TSPAN5: variants seen among roughly 807,000 people sequenced by gnomAD.
TSPAN5 encodes the protein tetraspanin-5.
A neutral mutation model predicts 37.1 loss-of-function variants in TSPAN5; 10 were observed. The observed-to-expected ratio is 0.27, with a 90% CI of 0.17 to 0.46. The LOEUF (loss-of-function observed/expected upper bound fraction) is 0.46. Among genes scored for constraint, TSPAN5 ranks in the 20% least tolerant of loss-of-function variants. TSPAN5 has a pLI of 1.00. For missense variants in TSPAN5, 195 were observed against 326.6 expected, an observed-to-expected ratio of 0.60 and a Z score of 3.11; for synonymous variants, 110 against 118.9, an observed-to-expected ratio of 0.93 and a Z score of 0.48.
intron 1 of TSPAN5, among the ~76,000 whole-genome samples, chr4:98,580,210 C>T (rs1001439708): frequency 3.5e-4 from 53 of 152,296 alleles, no homozygotes; most frequent in African/African-American, 1.3e-3. Flanking sequence ...ATGTTTCACA[C>T]ACAAAGTCTC....
At chr4:98,543,541 A>C (rs1754407219) in intron 1 of TSPAN5, among the ~76,000 whole-genome samples, 1 of 150,956 alleles carries the variant, frequency 6.6e-6, no homozygotes, top group Admixed American at 6.6e-5. Flanking sequence ...TCAGCCTCCC[A>C]AGTAGCTGGG....
chr4:98,550,517 G>A (rs1162006919), intron 1 of TSPAN5, among the ~76,000 whole-genome samples: 4 of 151,736 alleles, frequency 2.6e-5, no homozygotes, highest in Non-Finnish European at 5.9e-5. Flanking sequence ...CCATGAGCAT[G>A]GGATATTTTT....
chr4:98,549,292 G>GGTTTTTTTT (rs1560532920), intron 1 of TSPAN5, among the ~76,000 whole-genome samples: 2 of 147,166 alleles, frequency 1.4e-5, no homozygotes, highest in African/African-American at 5.2e-5. Context: ...TTGTTTGTTT[G>GGTTTTTTTT]TTTGTTTTTG....
At chr4:98,528,956 C>A (rs899169077) in intron 1 of TSPAN5, among the ~76,000 whole-genome samples, 1 of 152,106 alleles carries the variant, frequency 6.6e-6, no homozygotes, top group African/African-American at 2.4e-5. Flanking sequence ...TGTTATTATT[C>A]ACATTTAACA....
At chr4:98,547,160 G>A (rs1166610653) in intron 1 of TSPAN5, among the ~76,000 whole-genome samples, 1 of 152,228 alleles carries the variant, frequency 6.6e-6, no homozygotes, top group Admixed American at 6.5e-5. Flanking sequence ...GGCGGCCCCA[G>A]GAGATGCTGA....
intron 1 of TSPAN5, among the ~76,000 whole-genome samples, chr4:98,587,942 C>T (rs1264539223): frequency 6.6e-6 from 1 of 152,112 alleles, no homozygotes; most frequent in Non-Finnish European, 1.5e-5. Flanking sequence ...TCTGGGGCCC[C>T]AAAACCTATC....
intron 1 of TSPAN5, among the ~76,000 whole-genome samples, chr4:98,541,448 G>A (rs1319360605): frequency 8.5e-5 from 13 of 152,196 alleles, no homozygotes; most frequent in African/African-American, 2.4e-4. Context: ...GCTGAGGCAG[G>A]CAGATCACTT....
intron 1 of TSPAN5, among the ~76,000 whole-genome samples, chr4:98,559,481 AGGGTT>A (rs1560537314): frequency 6.6e-6 from 1 of 152,248 alleles, no homozygotes; most frequent in Admixed American, 6.5e-5. Flanking sequence ...AGTTCACAAG[AGGGTT>A]TAAGCCTTTC....
intron 1 of TSPAN5, among the ~76,000 whole-genome samples, chr4:98,616,372 A>G (rs1756337631): frequency 6.6e-6 from 1 of 152,152 alleles, no homozygotes; most frequent in Non-Finnish European, 1.5e-5. Context: ...CGGCTCCTGG[A>G]GTTTGTGCTA....
chr4:98,476,188 C>T lies in TSPAN5; in HGVS notation c.741+1G>A. 1 of 1,611,590 alleles carries T rather than the reference C, an allele frequency of 6.2e-7. No individual in the cohort carries two copies. The highest frequency in any genetic ancestry group is 8.5e-7 in the Non-Finnish European group (1 of 1,177,728). On this transcript the variant is annotated splice_donor_variant, in intron 7 of 7. Coordinates refer to ENST00000305798, the MANE Select transcript of TSPAN5 (RefSeq NM_005723.4). LOFTEE classifies it high-confidence loss of function. ...ATATCCATAAAGGACCCTTATCTTA[C>T]CTGCAGCAATGCAATGCCTATGAAA...
intron 2 of TSPAN5, 129 bp from the exon 3 acceptor site, chr4:98,487,013 T>C (rs1357702730): frequency 8.7e-6 from 7 of 801,200 alleles, no homozygotes; most frequent in Non-Finnish European, 1.4e-5. Context: ...TTATCAGGTA[T>C]GTGATTAATA....
intron 1 of TSPAN5, among the ~76,000 whole-genome samples, chr4:98,578,954 C>T (rs1420249778): frequency 6.6e-6 from 1 of 152,124 alleles, no homozygotes; most frequent in Non-Finnish European, 1.5e-5. Flanking sequence ...CTATTTTTTA[C>T]CTTTGTATGC....
intron 1 of TSPAN5, among the ~76,000 whole-genome samples, chr4:98,612,983 T>C (rs988552767): frequency 6.6e-6 from 1 of 152,170 alleles, no homozygotes; most frequent in African/African-American, 2.4e-5. Context: ...ACAATTATGG[T>C]TTTTTCCCCC....
intron 1 of TSPAN5, among the ~76,000 whole-genome samples, chr4:98,621,276 C>A (rs1038210159): frequency 6.6e-6 from 1 of 152,042 alleles, no homozygotes; most frequent in Admixed American, 6.5e-5. Flanking sequence ...GCTGCAGCCT[C>A]CAGAGTTGTG....
chr4:98,540,402 A>G (rs772511342), intron 1 of TSPAN5, among the ~76,000 whole-genome samples: 44 of 151,950 alleles, frequency 2.9e-4, no homozygotes, highest in Non-Finnish European at 3.4e-4. Flanking sequence ...CAGTGGCGCG[A>G]TCTCGGCTCA....
At chr4:98,475,917 G>A (rs916063815) in intron 7 of TSPAN5, among the ~76,000 whole-genome samples, 1 of 152,010 alleles carries the variant, frequency 6.6e-6, no homozygotes, top group African/African-American at 2.4e-5. Context: ...ATGAACCCAA[G>A]AGGCGGAGCT....
At chr4:98,611,837 AC>A (rs929504401) in intron 1 of TSPAN5, among the ~76,000 whole-genome samples, 13 of 152,132 alleles carry the variant, frequency 8.5e-5, no homozygotes, top group African/African-American at 3.1e-4. Flanking sequence ...AGAAAAGAAC[AC>A]CCTCTTCCTC....
chr4:98,606,324 C>T (rs1373134691), intron 1 of TSPAN5, among the ~76,000 whole-genome samples: 1 of 152,156 alleles, frequency 6.6e-6, no homozygotes, highest in Admixed American at 6.5e-5. Context: ...TGGATCTGTA[C>T]TTTTCAAAAG....
At chr4:98,476,557 A>G (rs1015707765) in intron 5 of TSPAN5, 97 bp from the exon 6 acceptor site, 1 of 1,132,844 alleles carries the variant, frequency 8.8e-7, no homozygotes, top group Non-Finnish European at 1.3e-6. Context: ...TTAGTAATAA[A>G]ATGTGTATCT....
Sources: allele counts gnomAD v4.1 joint callset (sites outside exome capture counted in the v4.1 genomes callset), GRCh38; gene constraint gnomAD v4.1.1; transcripts MANE v1.5; gene names NCBI Gene and HGNC (gene_info 2026-07-23, HGNC 2026-07-21).